Variants in GALNS observed in about 807,000 individuals in gnomAD.
The protein encoded by GALNS is galactosamine (N-acetyl)-6-sulfatase.
In GALNS, 65 loss-of-function variants were observed where a neutral mutation model predicts 65.9. The ratio of observed to expected loss-of-function variants is 0.99; its 90% CI spans 0.81 to 1.21. The LOEUF is 1.21. Ranked by LOEUF, GALNS falls within the 50% of genes most tolerant of loss-of-function variation. The pLI is 0.00. For synonymous variants in GALNS, 346 were observed against 288.9 expected (o/e 1.20, Z -2.00); for missense variants, 776 against 700.7 (o/e 1.11, Z -1.21).
intron 13 of GALNS, chr16:88,816,548 C>A (rs1909649285): frequency 1.2e-6 from 1 of 865,884 alleles, no homozygotes; most frequent in Non-Finnish European, 1.4e-6. Flanking sequence ...ACGGAGGTGG[C>A]CCTGCCCTGC....
At chr16:88,829,287 G>T (rs1007069484) in intron 9 of GALNS, among the ~76,000 whole-genome samples, 1 of 152,224 alleles carries the variant, frequency 6.6e-6, no homozygotes, top group Non-Finnish European at 1.5e-5. Flanking sequence ...CCCTCAGGGG[G>T]ATGGCGCTCA....
intron 3 of GALNS, 66 bp from the exon 4 acceptor site, chr16:88,841,160 C>A: frequency 3.2e-6 from 4 of 1,239,382 alleles, no homozygotes; most frequent in Non-Finnish European, 4.8e-6. Flanking sequence ...CCCATCCTAA[C>A]AGGACACTGG....
intron 1 of GALNS, among the ~76,000 whole-genome samples, chr16:88,854,195 A>G (rs1037421752): frequency 3.3e-5 from 5 of 152,202 alleles, no homozygotes; most frequent in African/African-American, 1.2e-4. Context: ...GTGGGTCATC[A>G]AGCCATCCCA....
Position 88,817,049 on chromosome 16 carries a change from G to A in GALNS, c.1482+958C>T, listed in dbSNP as rs960839630. ...GTTTTTGCCGACTAGAGCGAGGGCC[G>A]CACGTGTCCCATCTGAAGGAGCTGT... On this transcript the variant is annotated intron_variant, in intron 13 of 13. Coordinates refer to ENST00000268695, the MANE Select transcript of GALNS (RefSeq NM_000512.5). 15 of 985,314 alleles carry A rather than the reference G, an allele frequency of 1.5e-5. No homozygotes were observed. In the African/African-American group the frequency reaches 1.7e-4, roughly 11 times the overall value. The allele number at this position is 985,314 out of a possible 1,614,324, so 61.0% of individuals were successfully genotyped here.
At chr16:88,821,312 C>CCT (rs59904667) in intron 12 of GALNS, among the ~76,000 whole-genome samples, 10,592 of 152,204 alleles carry the variant, frequency 0.07, 428 homozygotes, top group African/African-American at 0.097. Flanking sequence ...CGTCTCGTCC[C>CCT]GTGGCCTTCA....
chr16:88,817,409 G>A (rs1167072990), intron 13 of GALNS: 1 of 985,318 alleles, frequency 1.0e-6, no homozygotes, highest in East Asian at 1.1e-4. Context: ...TGCTGCTCTG[G>A]GTGGGTGCCT....
At chr16:88,848,602 C>T (rs1281124668) in intron 1 of GALNS, among the ~76,000 whole-genome samples, 1 of 151,432 alleles carries the variant, frequency 6.6e-6, no homozygotes, top group Non-Finnish European at 1.5e-5. Context: ...TGCGGGCATC[C>T]TGGTTTTCTG....
At chr16:88,855,900 G>A (rs536477549) in intron 1 of GALNS, 18 of 524,750 alleles carry the variant, frequency 3.4e-5, no homozygotes, top group African/African-American at 1.1e-4. Context: ...TCTGGTACTC[G>A]GTGTCGTCCC....
chr16:88,820,273 C>T (rs1429313293), intron 12 of GALNS, among the ~76,000 whole-genome samples: 1 of 152,118 alleles, frequency 6.6e-6, no homozygotes, highest in Non-Finnish European at 1.5e-5. Flanking sequence ...GGATTACAGG[C>T]ACCGACCAAC....
rs1567530598 is a variant in GALNS at position 88,835,306 on chromosome 16, G to C, written c.805C>G (p.Leu269Val). Residue 269 changes from leucine to valine, a missense_variant, in exon 8 of 14, where the codon CTG (leucine) becomes GTG (valine). By Grantham distance (32) the Leu-to-Val change is conservative. Transcript: ENST00000268695. Reference protein sequence around the residue: ...REIDDSIGKILELLQDLHVAD... With the variant: ...REIDDSIGKIVELLQDLHVAD... ...ACGTGCAGGTCTTGGAGGAGCTCCA[G>C]TATCTTCCCAATGCTGTCATCAATC... The C allele has an allele frequency of 5.6e-6, 9 of 1,613,670 alleles. No individual in the cohort carries two copies. The highest frequency in any genetic ancestry group is 7.6e-6 in the Non-Finnish European group (9 of 1,179,856).
intron 1 of GALNS, 86 bp from the exon 2 acceptor site, chr16:88,842,915 G>A: frequency 6.4e-7 from 1 of 1,564,866 alleles, no homozygotes; most frequent in East Asian, 2.3e-5. Context: ...CCAAGAGCGT[G>A]TCGGGGACCG....
At position 88,856,848 on chromosome 16, in the gene GALNS, C is replaced by T. The variant is rs755961313; in HGVS notation, c.30G>A (p.Trp10Ter). The change falls in exon 1 of 14, where the codon TGG (tryptophan) becomes TGA (stop). Residue 10 changes from tryptophan (W) to a stop codon, truncating the protein, a stop_gained. Coordinates refer to ENST00000268695, the MANE Select transcript of GALNS (RefSeq NM_000512.5). LOFTEE classifies it high-confidence loss of function. ...CGCTGAGCACCAGCAACAGCTGCCA[C>T]CACCTCGTCGCCGCGACAACCGCCG... MAAVVAATR[W>*]WQLLLVLSAA... is the part of the protein sequence containing the mutation. The T allele has an allele frequency of 1.3e-6, 2 of 1,514,726 alleles. No individual in the cohort carries two copies. The highest frequency in any genetic ancestry group is 1.8e-6 in the Non-Finnish European group (2 of 1,140,532). The allele number at this position is 1,514,726 out of a possible 1,614,324, so 93.8% of individuals were successfully genotyped here. A position where few individuals can be genotyped will look rare whatever the true frequency, so the allele number is the denominator to read the frequency against.
At chr16:88,819,942 T>C (rs1910033093) in intron 12 of GALNS, among the ~76,000 whole-genome samples, 1 of 152,102 alleles carries the variant, frequency 6.6e-6, no homozygotes, top group Admixed American at 6.5e-5. Flanking sequence ...TCTGCCTGCC[T>C]CGGCCTCCCA....
chr16:88,851,961 C>T (rs907418596), intron 1 of GALNS, among the ~76,000 whole-genome samples: 2 of 152,242 alleles, frequency 1.3e-5, no homozygotes, highest in East Asian at 1.9e-4. Flanking sequence ...GCAGAAACTT[C>T]GGCAGACTTA....
At chr16:88,843,861 C>G (rs1429268130) in intron 1 of GALNS, 2 of 152,980 alleles carry the variant, frequency 1.3e-5, no homozygotes, top group Non-Finnish European at 2.9e-5. Flanking sequence ...CGCGCACGGC[C>G]CTGGAAAGCT....
intron 1 of GALNS, among the ~76,000 whole-genome samples, chr16:88,846,532 T>C (rs1967253759): frequency 6.8e-6 from 1 of 148,114 alleles, no homozygotes; most frequent in African/African-American, 2.5e-5. Context: ...TTTTTTTTTT[T>C]TGAGACGAAG....
At chr16:88,853,795 G>A (rs1342036364) in intron 1 of GALNS, among the ~76,000 whole-genome samples, 1 of 152,160 alleles carries the variant, frequency 6.6e-6, no homozygotes. Flanking sequence ...CCAGGGCAGG[G>A]CAGCCCTGGG....
At chr16:88,856,398 G>A (rs1967883454) in intron 1 of GALNS, 3 of 701,786 alleles carry the variant, frequency 4.3e-6, no homozygotes, top group Admixed American at 2.0e-5. Context: ...AGAGTAGAGG[G>A]CGGGAAAGGT....
At chr16:88,853,855 G>A (rs1967627466) in intron 1 of GALNS, among the ~76,000 whole-genome samples, 1 of 152,170 alleles carries the variant, frequency 6.6e-6, no homozygotes. Flanking sequence ...CTGGACAGGT[G>A]GGGGCTCTTG....
Sources: allele counts gnomAD v4.1 joint callset (sites outside exome capture counted in the v4.1 genomes callset), GRCh38; gene constraint gnomAD v4.1.1; transcripts MANE v1.5; gene names NCBI Gene and HGNC (gene_info 2026-07-23, HGNC 2026-07-21).